Variants in ADGRG7 observed in about 807,000 individuals in gnomAD.
The protein encoded by ADGRG7 is G-protein coupled receptor 128.
In ADGRG7, 82 loss-of-function variants were observed where a neutral mutation model predicts 88.6. The observed-to-expected ratio is 0.93, with a 90% CI of 0.77 to 1.11. The LOEUF is 1.11. ADGRG7 is among the 50% of genes most tolerant of loss of function. ADGRG7 has a pLI of 0.00. For missense variants in ADGRG7, 945 were observed against 953.4 expected (o/e 0.99, Z 0.12); for synonymous variants, 381 against 345.2 (o/e 1.10, Z -1.15).
At chr3:100,618,284 C>T (rs1194077850) in intron 1 of ADGRG7, among the ~76,000 whole-genome samples, 4 of 152,140 alleles carry the variant, frequency 2.6e-5, no homozygotes, top group African/African-American at 9.7e-5. Context: ...GACATGAAGT[C>T]CTTGCCCATG....
Position 100,643,389 on chromosome 3 carries a change from C to A in ADGRG7, c.822C>A (p.Arg274=), listed in dbSNP as rs1707678541. ...ATGCGGTGGGGCCTTCAAATGTTCG[C>A]TTCTCTGTGCAGAAAGGTGAGCTGT... ...SENAVGPSNV[R]FSVQKGASSS... is the part of the protein sequence containing the mutation. The change falls in exon 7 of 16, where the codon CGC becomes CGA. Residue 274 remains arginine, a synonymous_variant. Coordinates refer to ENST00000273352, the MANE Select transcript of ADGRG7 (RefSeq NM_032787.3). 6.2e-7 allele frequency: 1 copy of A among 1,613,828 alleles called. No individual in the cohort carries two copies. Among genetic ancestry groups the A allele is most frequent in the Non-Finnish European group, 8.5e-7 (1 of 1,179,920 alleles).
intron 15 of ADGRG7, among the ~76,000 whole-genome samples, chr3:100,680,095 T>C (rs1002202111): frequency 1.3e-5 from 2 of 152,238 alleles, no homozygotes; most frequent in African/African-American, 2.4e-5. Context: ...CCACCTATGA[T>C]TGAAAATTTG....
intron 14 of ADGRG7, among the ~76,000 whole-genome samples, chr3:100,660,679 G>A (rs554155193): frequency 3.3e-5 from 5 of 152,076 alleles, no homozygotes; most frequent in Non-Finnish European, 5.9e-5. Flanking sequence ...TCGGCAGGGC[G>A]CAGTGGCTCA....
Position 100,654,899 on chromosome 3 carries a change from A to C in ADGRG7, c.1444A>C (p.Asn482His). Residue 482 changes from asparagine (N) to histidine (H), a missense_variant, in exon 12 of 16, where the codon AAC (asparagine) becomes CAC (histidine). Transcript: ENST00000273352. ...VNLCISMLIF[N>H]LLFVFGIENS... ...TCTGTGCATATCAATGTTGATTTTC[A>C]ACCTCCTCTTTGTGTTTGGAATTGA... The C allele has an allele frequency of 1.2e-6, 2 of 1,614,088 alleles. No homozygotes were observed. Among genetic ancestry groups the C allele is most frequent in the South Asian group, 2.2e-5 (2 of 91,078 alleles).
chr3:100,694,947 G>A lies in ADGRG7; in HGVS notation c.2340G>A (p.Pro780=), dbSNP rs576939356. 7.6e-5 allele frequency: 122 copies of A among 1,614,140 alleles called. No individual in the cohort carries two copies. Among genetic ancestry groups the A allele is most frequent in the Non-Finnish European group, 9.2e-5 (109 of 1,180,004 alleles). ...HERFRLLETS[P]STEEITLSES... is the part of the protein sequence containing the mutation. ...GCTTTAGGCTACTGGAAACCTCTCC[G>A]AGTACTGAGGAAATCACACTCTCTG... Residue 780 remains proline (P), a synonymous_variant, in exon 16 of 16, where the codon CCG becomes CCA. Coordinates refer to ENST00000273352, the MANE Select transcript of ADGRG7 (RefSeq NM_032787.3).
At chr3:100,642,216 C>T (rs1178809032) in intron 6 of ADGRG7, among the ~76,000 whole-genome samples, 3 of 152,214 alleles carry the variant, frequency 2.0e-5, no homozygotes, top group Non-Finnish European at 4.4e-5. Context: ...AGATACTCAA[C>T]AGATACTGTT....
rs150308376 is a variant in ADGRG7 at position 100,640,544 on chromosome 3, C to T, written c.699-2722C>T. ...CCATTTTTTTTTCCTTTTTTTGAGA[C>T]GGAGTCTTGCTCTGTCACCCAGGCT... On this transcript the variant is annotated intron_variant, in intron 6 of 15. Transcript: ENST00000273352. 5.5e-3 allele frequency among the ~76,000 whole-genome samples: 841 copies of T among 151,828 alleles called. 59 individuals carry two copies. In the East Asian group the frequency reaches 0.15, roughly 27 times the overall value.
intron 15 of ADGRG7, among the ~76,000 whole-genome samples, chr3:100,675,226 G>A (rs1003636344): frequency 6.6e-6 from 1 of 152,182 alleles, no homozygotes. Context: ...GATACTAGCT[G>A]TGAGTCCGTC....
chr3:100,633,199 C>T (rs610854), intron 3 of ADGRG7, 66 bp from the exon 4 acceptor site: 226,466 of 755,796 alleles, frequency 0.3, 38,246 homozygotes, highest in Non-Finnish European at 0.35. Flanking sequence ...TAGTTATTGC[C>T]TAAAAATAAT....
At chr3:100,649,392 A>G (rs2094925062) in intron 10 of ADGRG7, among the ~76,000 whole-genome samples, 1 of 152,240 alleles carries the variant, frequency 6.6e-6, no homozygotes, top group African/African-American at 2.4e-5. Flanking sequence ...TTGAGTATCC[A>G]TGGCTTTTGG....
intron 15 of ADGRG7, among the ~76,000 whole-genome samples, chr3:100,688,220 GA>G (rs753253691): frequency 2.0e-5 from 3 of 152,172 alleles, no homozygotes; most frequent in Non-Finnish European, 4.4e-5. Context: ...GATCAGTGGT[GA>G]TGTCCCCTTT....
At chr3:100,666,532 G>A (rs991966490) in intron 14 of ADGRG7, among the ~76,000 whole-genome samples, 5 of 152,196 alleles carry the variant, frequency 3.3e-5, no homozygotes, top group Non-Finnish European at 5.9e-5. Context: ...GCCCTAAGGC[G>A]GTTTTTCCCT....
chr3:100,616,482 G>A (rs1047013924), intron 1 of ADGRG7, among the ~76,000 whole-genome samples: 2 of 151,756 alleles, frequency 1.3e-5, no homozygotes, highest in East Asian at 3.9e-4. Context: ...ATATAGTAAT[G>A]ATAAAAAAAT....
chr3:100,689,442 G>GT (rs1384632390), intron 15 of ADGRG7, among the ~76,000 whole-genome samples: 4 of 152,088 alleles, frequency 2.6e-5, no homozygotes, highest in Non-Finnish European at 5.9e-5. Flanking sequence ...TATTTTGCTC[G>GT]TTAGTTGATG....
intron 15 of ADGRG7, among the ~76,000 whole-genome samples, chr3:100,686,986 A>G (rs1484257369): frequency 6.6e-6 from 1 of 152,114 alleles, no homozygotes; most frequent in Non-Finnish European, 1.5e-5. Flanking sequence ...GGCCATTTTC[A>G]TGATATTGAT....
At chr3:100,643,241 T>C in intron 6 of ADGRG7, 25 bp from the exon 7 acceptor site, 1 of 1,603,754 alleles carries the variant, frequency 6.2e-7, no homozygotes, top group Non-Finnish European at 8.5e-7. Flanking sequence ...ATCTTGAGTA[T>C]TAAATTGTGT....
chr3:100,625,563 T>C (rs374400177), intron 1 of ADGRG7, among the ~76,000 whole-genome samples: 30 of 152,222 alleles, frequency 2.0e-4, no homozygotes, highest in African/African-American at 7.2e-4. Flanking sequence ...TCCAATACTA[T>C]GTTGAATAGG....
chr3:100,675,044 G>A (rs1178236474), intron 15 of ADGRG7, among the ~76,000 whole-genome samples: 1 of 151,946 alleles, frequency 6.6e-6, no homozygotes, highest in African/African-American at 2.4e-5. Flanking sequence ...CTGCAAACGA[G>A]GATAATTTGA....
intron 9 of ADGRG7, chr3:100,646,338 G>A: frequency 3.3e-6 from 2 of 599,026 alleles, no homozygotes; most frequent in South Asian, 2.3e-5. Flanking sequence ...GTTCTTTGAT[G>A]TATCCATTTG....
Sources: allele counts gnomAD v4.1 joint callset (sites outside exome capture counted in the v4.1 genomes callset), GRCh38; gene constraint gnomAD v4.1.1; transcripts MANE v1.5; gene names NCBI Gene and HGNC (gene_info 2026-07-23, HGNC 2026-07-21).